Variants in WDPCP observed in about 807,000 individuals in gnomAD.
The protein encoded by WDPCP is WD repeat containing planar cell polarity effector, also known as WD repeat-containing and planar cell polarity effector protein fritz homolog.
A neutral mutation model predicts 93.1 loss-of-function variants in WDPCP; 71 were observed. The observed-to-expected ratio is 0.76, with a 90% CI of 0.63 to 0.93. The LOEUF (loss-of-function observed/expected upper bound fraction) is 0.93, where lower values mean the gene tolerates loss of function less well. Ranked by LOEUF, WDPCP falls within the 40% of genes least tolerant of loss-of-function variation. The pLI, the probability that WDPCP is intolerant of heterozygous loss-of-function variation, is 0.00. For missense variants in WDPCP, 844 were observed against 887.4 expected, an observed-to-expected ratio of 0.95 and a Z score of 0.62; for synonymous variants, 315 against 315.0, an observed-to-expected ratio of 1.00 and a Z score of 0.00.
chr2:63,130,342 T>G (rs1386656026), intron 17 of WDPCP, among the ~76,000 whole-genome samples: 1 of 152,154 alleles, frequency 6.6e-6, no homozygotes, highest in Non-Finnish European at 1.5e-5. Context: ...CATCCTGTTT[T>G]CCCAGCAATA....
the WDPCP span, among the ~76,000 whole-genome samples, chr2:63,836,625 T>C: frequency 6.6e-6 from 1 of 152,208 alleles, no homozygotes; most frequent in African/African-American, 2.4e-5. Context: ...TTTATGTTTT[T>C]TCCTGGGCCA....
intron 12 of WDPCP, among the ~76,000 whole-genome samples, chr2:63,356,166 CA>C (rs1459659593): frequency 1.3e-5 from 2 of 151,996 alleles, no homozygotes; most frequent in Non-Finnish European, 2.9e-5. Context: ...CAACAATGAT[CA>C]AAAAAGACAA....
intron 2 of WDPCP, among the ~76,000 whole-genome samples, chr2:63,731,318 GT>G (rs1558897065): frequency 6.6e-6 from 1 of 151,778 alleles, no homozygotes; most frequent in South Asian, 2.1e-4. Context: ...ACTGTTGGGG[GT>G]TTTTTTGTTT....
rs1693286364 is a variant in WDPCP at position 63,391,927 on chromosome 2, G to C, written c.1436-9833C>G. The stretch of plus-strand genomic sequence containing the variant: ...AAGAACATTCCATGCTCATGGATAG[G>C]AAGAATCAATATCGTGAAAATGGCC... On this transcript the variant is annotated intron_variant, in intron 10 of 17. Transcript: ENST00000272321. 3.9e-5 allele frequency among the ~76,000 whole-genome samples: 6 copies of C among 152,272 alleles called. No homozygotes were observed. In the South Asian group the frequency reaches 1.0e-3, roughly 26 times the overall value.
chr2:63,133,873 G>A (rs1670447835), intron 17 of WDPCP, among the ~76,000 whole-genome samples: 1 of 152,190 alleles, frequency 6.6e-6, no homozygotes, highest in Non-Finnish European at 1.5e-5. Context: ...GAGCAAAAAT[G>A]CCATGACATG....
intron 1 of WDPCP, among the ~76,000 whole-genome samples, chr2:63,522,451 GACAGACACACACAC>G (rs1703007504): frequency 1.1e-5 from 1 of 92,068 alleles, no homozygotes; most frequent in Non-Finnish European, 2.1e-5. Context: ...CAGACAGACA[GACAGACACACACAC>G]ACACACACAC....
At chr2:63,413,298 C>G (rs1429421658) in intron 9 of WDPCP, among the ~76,000 whole-genome samples, 1 of 152,160 alleles carries the variant, frequency 6.6e-6, no homozygotes, top group Non-Finnish European at 1.5e-5. Context: ...ACAAATGATG[C>G]TAGGATAATT....
chr2:63,720,013 G>C (rs1346157109), intron 2 of WDPCP, among the ~76,000 whole-genome samples: 2 of 151,988 alleles, frequency 1.3e-5, no homozygotes, highest in African/African-American at 4.8e-5. Context: ...GGGGTAGATG[G>C]GTAATTGACC....
chr2:63,413,287 A>T (rs1292829875), intron 9 of WDPCP, among the ~76,000 whole-genome samples: 1 of 152,260 alleles, frequency 6.6e-6, no homozygotes, highest in Admixed American at 6.5e-5. Flanking sequence ...CACCCTATTC[A>T]ACAAATGATG....
chr2:63,779,003 A>AG (rs1201768643), intron 2 of WDPCP, among the ~76,000 whole-genome samples: 1 of 152,120 alleles, frequency 6.6e-6, no homozygotes, highest in Non-Finnish European at 1.5e-5. Flanking sequence ...CTCCCAATTG[A>AG]GAAACACCTC....
intron 2 of WDPCP, chr2:63,684,424 A>G: frequency 2.4e-6 from 2 of 843,794 alleles, no homozygotes; most frequent in African/African-American, 3.4e-5. Context: ...CCCTACAGCC[A>G]CCTCTGGTGG....
chr2:63,459,902 G>T (rs1379281388), intron 6 of WDPCP, among the ~76,000 whole-genome samples: 1 of 152,106 alleles, frequency 6.6e-6, no homozygotes, highest in Non-Finnish European at 1.5e-5. Context: ...GAGCAACAGA[G>T]TGAGATTCTG....
chr2:63,513,937 T>C (rs923128836), intron 1 of WDPCP, among the ~76,000 whole-genome samples: 1 of 151,722 alleles, frequency 6.6e-6, no homozygotes, highest in Non-Finnish European at 1.5e-5. Context: ...TTTCTCTTGT[T>C]TACCTGTCCT....
At chr2:63,382,948 G>A (rs1427368664) in intron 10 of WDPCP, among the ~76,000 whole-genome samples, 5 of 152,030 alleles carry the variant, frequency 3.3e-5, no homozygotes, top group Non-Finnish European at 7.4e-5. Flanking sequence ...CATAAATCAG[G>A]GTGGTTCCTT....
chr2:63,327,538 G>A (rs1439910258), intron 12 of WDPCP, among the ~76,000 whole-genome samples: 1 of 152,100 alleles, frequency 6.6e-6, no homozygotes, highest in Non-Finnish European at 1.5e-5. Context: ...AACCCCCGAG[G>A]CCTAGACTTC....
intron 12 of WDPCP, 54 bp downstream of exon 12, chr2:63,378,332 T>A (rs556105954): frequency 3.7e-4 from 598 of 1,609,644 alleles, no homozygotes; most frequent in Non-Finnish European, 4.8e-4. Context: ...AAAGAGGATG[T>A]CTCCTGAAAT....
chr2:63,617,206 T>G lies in WDPCP; in HGVS notation n.488+33453A>C, dbSNP rs151038304. Among the ~76,000 whole-genome samples, 230 of 152,268 alleles carry G rather than the reference T, an allele frequency of 1.5e-3. No individual in the cohort carries two copies. The Middle Eastern group carries it at 0.017, about 11-fold the overall frequency. On this transcript the variant is annotated intron_variant and non_coding_transcript_variant, in intron 3 of 4. Transcript: ENST00000467687. ...CCATGTTTTAATGTATTTGTTGGAG[T>G]GATAATGTAGACCAGCTGCCTTTCA...
chr2:63,831,565 T>A (rs1298685849), upstream of WDPCP, among the ~76,000 whole-genome samples: 1 of 152,152 alleles, frequency 6.6e-6, no homozygotes, highest in East Asian at 1.9e-4. Context: ...TTTAACATAA[T>A]TTAAATGCCC....
rs1331033698 is a variant in WDPCP at position 63,338,568 on chromosome 2, AAATATATATATATATATATATAT to A, written c.1749-25280_1749-25258del. On this transcript the variant is annotated intron_variant, in intron 12 of 17. Transcript: ENST00000272321. ...ACTCCATCTAAAAAAAAAAAAAAAA[AAATATATATATATATATATATAT>A]ATATATATATATATATATATATATA... 5.2e-3 allele frequency among the ~76,000 whole-genome samples: 40 copies of A among 7,652 alleles called. 2 individuals carry two copies. The highest frequency in any genetic ancestry group is 0.031 in the Admixed American group (13 of 422). The allele number at this position is 7,652 out of a possible 152,430, so 5.0% of individuals were successfully genotyped here.
Sources: gnomAD v4.1 joint callset for allele counts (sites outside exome capture counted in the v4.1 genomes callset) on GRCh38, gnomAD v4.1.1 for gene constraint, MANE v1.5 for transcripts, NCBI Gene and HGNC (gene_info 2026-07-23, HGNC 2026-07-21) for gene names.